The following ERICH1 variants were observed in gnomAD, a reference collection of about 807,000 sequenced individuals.
ERICH1 encodes the protein glutamate rich 1, also known as glutamate-rich protein 1.
Under a neutral mutation model 39.6 loss-of-function variants are expected in ERICH1, and 56 were observed. That is an observed-to-expected ratio of 1.41 (90% CI 1.14 to 1.77). ERICH1 has a LOEUF of 1.77. Ranked by LOEUF, ERICH1 falls within the 40% of genes most tolerant of loss-of-function variation. ERICH1 has a pLI of 0.00. For synonymous variants in ERICH1, 313 were observed against 223.6 expected (o/e 1.40, Z -3.57); for missense variants, 826 against 575.4 (o/e 1.44, Z -4.45).
chr8:705,649 C>G (rs13252476), intron 2 of ERICH1, among the ~76,000 whole-genome samples: 54,186 of 151,748 alleles, frequency 0.36, 9,739 homozygotes, highest in East Asian at 0.48. Flanking sequence ...CACTTTTTGT[C>G]AACATCGTAT....
At chr8:637,808 G>T (rs59631161) in intron 3 of ERICH1, among the ~76,000 whole-genome samples, 12,586 of 152,274 alleles carry the variant, frequency 0.083, 573 homozygotes, top group African/African-American at 0.095. Context: ...AACAGTGCTT[G>T]CCTGACGTCC....
rs1183900376 is a variant in ERICH1, at chr8:688,075, G to A, written c.304+4403C>T. On this transcript the variant is annotated intron_variant, in intron 3 of 5. Coordinates refer to ENST00000262109, the MANE Select transcript of ERICH1 (RefSeq NM_207332.3). ...CGGCGGCGCGCGGTCAAATTCCTCAGGCACCCAATGCAGTTCCCGGCTGCA... is the reference window on the plus strand; with the variant it reads ...CGGCGGCGCGCGGTCAAATTCCTCAAGCACCCAATGCAGTTCCCGGCTGCA... 7.2e-5 allele frequency among the ~76,000 whole-genome samples: 11 copies of A among 152,268 alleles called. No homozygotes were observed. In the South Asian group the frequency reaches 1.7e-3, roughly 23 times the overall value.
At chr8:728,958 G>A (rs1006719580) in intron 1 of ERICH1, among the ~76,000 whole-genome samples, 4 of 152,082 alleles carry the variant, frequency 2.6e-5, no homozygotes, top group Non-Finnish European at 4.4e-5. Flanking sequence ...TGTTTAGCCT[G>A]ACTGCCAACC....
At chr8:643,546 G>GC (rs2117251534) in intron 3 of ERICH1, among the ~76,000 whole-genome samples, 1 of 151,840 alleles carries the variant, frequency 6.6e-6, no homozygotes, top group South Asian at 2.1e-4. Flanking sequence ...TCCTGCCCCT[G>GC]CCGGCTGGGC....
intron 3 of ERICH1, chr8:656,926 A>G: frequency 1.2e-6 from 1 of 819,766 alleles, no homozygotes; most frequent in Non-Finnish European, 1.5e-6. Flanking sequence ...CACTCCTTAT[A>G]TGTTAACCTA....
chr8:705,487 T>TA (rs907329835), intron 2 of ERICH1, among the ~76,000 whole-genome samples: 52 of 151,678 alleles, frequency 3.4e-4, no homozygotes, highest in African/African-American at 1.0e-3. Flanking sequence ...TGTTCATGAT[T>TA]AAAAAAAAAT....
intron 1 of ERICH1, among the ~76,000 whole-genome samples, chr8:717,731 G>C (rs1454771324): frequency 2.0e-5 from 3 of 152,246 alleles, no homozygotes; most frequent in Admixed American, 2.0e-4. Flanking sequence ...CAGCCAACGC[G>C]GACATGTGGC....
chr8:717,167 G>A (rs944382069), intron 1 of ERICH1, among the ~76,000 whole-genome samples: 1 of 152,294 alleles, frequency 6.6e-6, no homozygotes, highest in South Asian at 2.1e-4. Flanking sequence ...GCTTTTGCTG[G>A]GAGGAAACGA....
At position 715,958 on chromosome 8, in the gene ERICH1, G is replaced by C. The variant is rs1190945943; in HGVS notation, c.72C>G (p.Gly24=). Residue 24 remains glycine (G), a synonymous_variant, in exon 2 of 6, where the codon GGC becomes GGG. Coordinates refer to ENST00000262109, the MANE Select transcript of ERICH1 (RefSeq NM_207332.3). ...GCGTCTGGGGTTCCCTCTTTCCTTG[G>C]CCACTTGGAACAGGAGGAAAAAGTC... is the stretch of plus-strand genomic sequence containing the variant. The part of the protein sequence containing the change: ...LQRLFPPVPS[G]QGKREPQTLA... The C allele has an allele frequency of 3.1e-6, 5 of 1,613,720 alleles. No individual in the cohort carries two copies. The East Asian group carries it at 8.9e-5, about 29-fold the overall frequency.
chr8:643,875 G>A (rs1799296435), intron 3 of ERICH1, among the ~76,000 whole-genome samples: 1 of 152,218 alleles, frequency 6.6e-6, no homozygotes, highest in East Asian at 1.9e-4. Flanking sequence ...ATGATAAGAT[G>A]TGTGACCGAA....
intron 3 of ERICH1, among the ~76,000 whole-genome samples, chr8:677,036 C>T (rs1412049973): frequency 6.6e-6 from 1 of 152,230 alleles, no homozygotes; most frequent in Non-Finnish European, 1.5e-5. Flanking sequence ...TTCCTATTCT[C>T]CTCTGTCTCA....
chr8:705,233 G>A (rs1585515854), intron 2 of ERICH1, among the ~76,000 whole-genome samples: 4 of 152,156 alleles, frequency 2.6e-5, no homozygotes, highest in South Asian at 4.1e-4. Context: ...TTCCTCATCC[G>A]GCTGCCTCCT....
chr8:690,633 G>A (rs1808692551), intron 3 of ERICH1, among the ~76,000 whole-genome samples: 1 of 152,236 alleles, frequency 6.6e-6, no homozygotes, highest in Non-Finnish European at 1.5e-5. Flanking sequence ...CCCTGCCTGG[G>A]CGACAAGGCC....
At chr8:676,529 G>GTGAGGACAGAGGCGCGGCGGCCCCTCC (rs1408513868) in intron 3 of ERICH1, among the ~76,000 whole-genome samples, 1 of 151,332 alleles carries the variant, frequency 6.6e-6, no homozygotes, top group Admixed American at 6.6e-5. Flanking sequence ...GCGGCCCCTC[G>GTGAGGACAGAGGCGCGGCGGCCCCTCC]TGAGGACAGA....
At chr8:685,183 T>A (rs1324372665) in intron 3 of ERICH1, among the ~76,000 whole-genome samples, 2 of 152,160 alleles carry the variant, frequency 1.3e-5, no homozygotes, top group South Asian at 2.1e-4. Flanking sequence ...AGGAATGCAT[T>A]CTTTTTCCAG....
intron 2 of ERICH1, among the ~76,000 whole-genome samples, chr8:708,645 G>A (rs13254443): frequency 6.7e-6 from 1 of 148,736 alleles, no homozygotes; most frequent in African/African-American, 2.5e-5. Context: ...GCTAGAGGGA[G>A]TGGGGAATGG....
At chr8:693,042 G>A (rs577146852) in intron 2 of ERICH1, among the ~76,000 whole-genome samples, 25 of 152,176 alleles carry the variant, frequency 1.6e-4, no homozygotes, top group Admixed American at 1.3e-3. Context: ...CTAACAACAT[G>A]TGTACACTGT....
chr8:632,310 A>G (rs1357975797), intron 3 of ERICH1, among the ~76,000 whole-genome samples: 1 of 149,780 alleles, frequency 6.7e-6, no homozygotes, highest in African/African-American at 2.4e-5. Context: ...TCTTGCTGAC[A>G]ATTTCTAATT....
At chr8:695,199 C>T (rs1159870798) in intron 2 of ERICH1, among the ~76,000 whole-genome samples, 3 of 152,080 alleles carry the variant, frequency 2.0e-5, no homozygotes, top group Non-Finnish European at 4.4e-5. Context: ...CAGCCAGCCC[C>T]TGGCCCACTT....
Sources: allele counts gnomAD v4.1 joint callset (sites outside exome capture counted in the v4.1 genomes callset), GRCh38; gene constraint gnomAD v4.1.1; transcripts MANE v1.5; gene names NCBI Gene and HGNC (gene_info 2026-07-23, HGNC 2026-07-21).